The following ACAA2 variants were observed in gnomAD, a reference collection of about 807,000 sequenced individuals.
ACAA2 encodes the protein 3-ketoacyl-CoA thiolase, mitochondrial.
In ACAA2, 35 loss-of-function variants were observed where a neutral mutation model predicts 44.8. That is an observed-to-expected ratio of 0.78 (90% confidence interval 0.60 to 1.04). The LOEUF (loss-of-function observed/expected upper bound fraction) is 1.04. ACAA2 is among the 50% of genes least tolerant of loss of function. The probability of loss-of-function intolerance (pLI) is 0.00; values close to 1 mark genes in which losing one functional copy is unlikely to be tolerated. For missense variants in ACAA2, 468 were observed against 482.6 expected (o/e 0.97, Z 0.28); for synonymous variants, 142 against 166.5 (o/e 0.85, Z 1.13).
At chr18:49,794,922 G>A (rs1035669965) in intron 4 of ACAA2, among the ~76,000 whole-genome samples, 3 of 152,146 alleles carry the variant, frequency 2.0e-5, no homozygotes, top group Non-Finnish European at 4.4e-5. Context: ...AAGATCTTGG[G>A]ACAGGTTCCC....
At chr18:49,783,979 T>A (rs774901592) in intron 9 of ACAA2, 48 bp from the exon 10 acceptor site, 1 of 1,474,880 alleles carries the variant, frequency 6.8e-7, no homozygotes, top group Non-Finnish European at 9.5e-7. Context: ...AAAAATCAGA[T>A]TAATGAAATA....
chr18:49,792,110 A>C (rs2023408661), intron 6 of ACAA2, 42 bp downstream of exon 6: 1 of 1,533,904 alleles, frequency 6.5e-7, no homozygotes, highest in Non-Finnish European at 8.9e-7. Flanking sequence ...TTTGTTGAAC[A>C]CACCAGGAAG....
At chr18:49,810,531 A>G (rs558629586) in intron 1 of ACAA2, among the ~76,000 whole-genome samples, 1 of 152,286 alleles carries the variant, frequency 6.6e-6, no homozygotes, top group South Asian at 2.1e-4. Flanking sequence ...TGTGCATGGG[A>G]AAATAAAAAC....
chr18:49,792,811 G>A (rs969975131), intron 5 of ACAA2, among the ~76,000 whole-genome samples: 1 of 152,064 alleles, frequency 6.6e-6, no homozygotes, highest in East Asian at 1.9e-4. Flanking sequence ...ACCATCATGT[G>A]TTTATGTAGT....
chr18:49,802,935 CT>C, intron 1 of ACAA2, 82 bp from the exon 2 acceptor site: 1 of 1,474,236 alleles, frequency 6.8e-7, no homozygotes, highest in South Asian at 1.1e-5. Flanking sequence ...ACTGTGAAAC[CT>C]TACACAATTT....
chr18:49,787,261 A>C, intron 8 of ACAA2, 30 bp downstream of exon 8: 1 of 703,942 alleles, frequency 1.4e-6, no homozygotes, highest in Non-Finnish European at 1.8e-6. Context: ...TCATGTTGTT[A>C]AAAAAAAAAA....
At chr18:49,812,931 C>T (rs753679026) in intron 1 of ACAA2, 3 of 152,722 alleles carry the variant, frequency 2.0e-5, no homozygotes, top group Non-Finnish European at 4.4e-5. Flanking sequence ...GTTCATAACC[C>T]TAGAACTTAG....
Position 49,783,897 on chromosome 18 carries a change from A to G in ACAA2, c.1144T>C (p.Cys382Arg). Residue 382 changes from cysteine (C) to arginine (R), a missense_variant, in exon 10 of 10, where the codon TGC becomes CGC. By Grantham distance (180) the Cys-to-Arg change is radical. Transcript: ENST00000285093. ...RGGKYAVGSACIGGGQGIAVI... is the reference protein window; with the variant it reads ...RGGKYAVGSARIGGGQGIAVI... ...GCAATACCTTGGCCACCTCCAATGC[A>G]AGCTGATCCAACGGCATATTTTCCA... 6.2e-7 allele frequency: 1 copy of G among 1,614,098 alleles called. No individual in the cohort carries two copies. The highest frequency in any genetic ancestry group is 8.5e-7 in the Non-Finnish European group (1 of 1,179,998).
At chr18:49,807,209 A>G (rs549289370) in intron 1 of ACAA2, among the ~76,000 whole-genome samples, 24 of 152,176 alleles carry the variant, frequency 1.6e-4, no homozygotes, top group Non-Finnish European at 3.4e-4. Flanking sequence ...AGCCTAGGCA[A>G]CATAGCGAGA....
chr18:49,806,500 T>C (rs1568590939), intron 1 of ACAA2, among the ~76,000 whole-genome samples: 4 of 152,170 alleles, frequency 2.6e-5, no homozygotes, highest in Non-Finnish European at 2.9e-5. Context: ...AGTAACTGTC[T>C]ACAAAAAATA....
At position 49,791,447 on chromosome 18, in the gene ACAA2, AGTTT is replaced by A. The variant is rs1354125226; in HGVS notation, c.883+19_883+22del. ...TTACCTCCAGAAATATTATAGAACCAGTTTGTTTTACTATAAACTTACCAATACC... is the reference window on the plus strand; with the variant it reads ...TTACCTCCAGAAATATTATAGAACCAGTTTTACTATAAACTTACCAATACC... On this transcript the variant is annotated intron_variant, in intron 7 of 9. Coordinates refer to ENST00000285093, the MANE Select transcript of ACAA2 (RefSeq NM_006111.3). The A allele has an allele frequency of 5.6e-6, 9 of 1,600,678 alleles. No individual in the cohort carries two copies. Among genetic ancestry groups the A allele is most frequent in the Middle Eastern group, 4.5e-4 (2 of 4,414 alleles).
chr18:49,797,379 A>G (rs2023477013), intron 3 of ACAA2, 87 bp downstream of exon 3: 2 of 1,282,190 alleles, frequency 1.6e-6, no homozygotes, highest in East Asian at 2.5e-5. Context: ...AATCCTCCCT[A>G]AAGCTAAAGT....
chr18:49,811,826 A>G (rs1019664466), intron 1 of ACAA2, among the ~76,000 whole-genome samples: 3 of 152,154 alleles, frequency 2.0e-5, no homozygotes, highest in African/African-American at 7.2e-5. Flanking sequence ...AAAAAATACG[A>G]TCACTAGCTC....
intron 9 of ACAA2, 73 bp downstream of exon 9, chr18:49,785,124 T>C: frequency 6.5e-7 from 1 of 1,545,692 alleles, no homozygotes; most frequent in Admixed American, 1.9e-5. Flanking sequence ...GTTGGAGTGT[T>C]CTGGGGAAGC....
chr18:49,794,582 T>A (rs1462530174), intron 4 of ACAA2, among the ~76,000 whole-genome samples, 155 bp from the exon 5 acceptor site: 1 of 152,226 alleles, frequency 6.6e-6, no homozygotes, highest in Non-Finnish European at 1.5e-5. Context: ...GGATATTTTT[T>A]AAAAACATGC....
At chr18:49,790,978 T>G (rs937551436) in intron 7 of ACAA2, among the ~76,000 whole-genome samples, 1 of 152,148 alleles carries the variant, frequency 6.6e-6, no homozygotes, top group Admixed American at 6.6e-5. Flanking sequence ...TAAGACAACC[T>G]CCCTAAGCCT....
At chr18:49,800,235 C>T (rs1401665725) in intron 2 of ACAA2, among the ~76,000 whole-genome samples, 12 of 146,436 alleles carry the variant, frequency 8.2e-5, no homozygotes, top group Non-Finnish European at 1.2e-4. Flanking sequence ...GGTCAGCCCC[C>T]CGCCCGGCCA....
intron 8 of ACAA2, 118 bp from the exon 9 acceptor site, chr18:49,785,469 C>T (rs992016346): frequency 2.2e-5 from 21 of 951,220 alleles, no homozygotes; most frequent in Admixed American, 1.1e-4. Flanking sequence ...TAAATTACCT[C>T]GCAAAGTTAT....
intron 1 of ACAA2, among the ~76,000 whole-genome samples, chr18:49,808,251 T>G (rs1363094215): frequency 6.6e-6 from 1 of 152,180 alleles, no homozygotes; most frequent in African/African-American, 2.4e-5. Context: ...TCACTGCTGG[T>G]GGGAATGCAA....
Sources: gnomAD v4.1 joint callset for allele counts (sites outside exome capture counted in the v4.1 genomes callset) on GRCh38, gnomAD v4.1.1 for gene constraint, MANE v1.5 for transcripts, NCBI Gene and HGNC (gene_info 2026-07-23, HGNC 2026-07-21) for gene names.